The following CATSPERT variants were observed in gnomAD, a reference collection of about 807,000 sequenced individuals.
CATSPERT encodes catsper channel auxiliary subunit tau.
chr2:201,496,733 C>T, the CATSPERT span, among the ~76,000 whole-genome samples: 1 of 152,174 alleles, frequency 6.6e-6, no homozygotes, highest in Non-Finnish European at 1.5e-5. Context: ...TGTGTGGGAA[C>T]AATTACAGGA....
the CATSPERT span, chr2:201,535,836 T>G: frequency 3.4e-6 from 5 of 1,463,576 alleles, no homozygotes; most frequent in African/African-American, 7.1e-5. Flanking sequence ...GCAGACACCT[T>G]GAGCTCAAGG....
chr2:201,544,349 T>C, the CATSPERT span, among the ~76,000 whole-genome samples: 2 of 152,334 alleles, frequency 1.3e-5, no homozygotes, highest in South Asian at 4.1e-4. Flanking sequence ...AGCAGCATGA[T>C]TTATAATCCT....
chr2:201,583,419 TA>T, the CATSPERT span, among the ~76,000 whole-genome samples: 2 of 152,120 alleles, frequency 1.3e-5, no homozygotes, highest in Non-Finnish European at 1.5e-5. Context: ...TAATAAGCTA[TA>T]AACAAAAACC....
chr2:201,585,295 G>A, the CATSPERT span, among the ~76,000 whole-genome samples: 1 of 151,532 alleles, frequency 6.6e-6, no homozygotes, highest in African/African-American at 2.4e-5. Flanking sequence ...ATGACGGTAT[G>A]ATGGGTGCAG....
At chr2:201,534,779 A>AAC in the CATSPERT span, 1 of 828,308 alleles carries the variant, frequency 1.2e-6, no homozygotes, top group Non-Finnish European at 1.4e-6. Flanking sequence ...AAATAAGCAA[A>AAC]AGTGTTAATT....
At chr2:201,570,693 C>T in the CATSPERT span, among the ~76,000 whole-genome samples, 2 of 152,152 alleles carry the variant, frequency 1.3e-5, no homozygotes, top group African/African-American at 4.8e-5. Context: ...CTGCCAACTC[C>T]TCTAGCTCAT....
the CATSPERT span, among the ~76,000 whole-genome samples, chr2:201,565,230 G>A: frequency 2.0e-5 from 3 of 151,780 alleles, no homozygotes; most frequent in Non-Finnish European, 4.4e-5. Context: ...CAGCACTTTC[G>A]GAGGCTGAGA....
At chr2:201,524,084 C>T in the CATSPERT span, among the ~76,000 whole-genome samples, 12,513 of 152,108 alleles carry the variant, frequency 0.082, 706 homozygotes, top group African/African-American at 0.15. Flanking sequence ...ATATTGTCCA[C>T]AAAATATATA....
At chr2:201,544,103 G>A in the CATSPERT span, among the ~76,000 whole-genome samples, 2 of 152,146 alleles carry the variant, frequency 1.3e-5, no homozygotes, top group East Asian at 1.9e-4. Context: ...GTGAGAACAT[G>A]CGGTGTTCGT....
At chr2:201,602,130 T>C in the CATSPERT span, among the ~76,000 whole-genome samples, 4 of 152,268 alleles carry the variant, frequency 2.6e-5, no homozygotes, top group South Asian at 4.1e-4. Context: ...ACAAAATTCC[T>C]TTGCAAGTTT....
the CATSPERT span, among the ~76,000 whole-genome samples, chr2:201,577,807 T>C: frequency 1.3e-5 from 2 of 152,206 alleles, no homozygotes; most frequent in Non-Finnish European, 2.9e-5. Context: ...TCTCCTGCAC[T>C]GCCTGGTTAA....
chr2:201,501,316 AC>A, the CATSPERT span, among the ~76,000 whole-genome samples: 1 of 143,530 alleles, frequency 7.0e-6, no homozygotes, highest in Admixed American at 7.6e-5. Context: ...AATTGCTTGA[AC>A]CCAGGAGGTG....
the CATSPERT span, among the ~76,000 whole-genome samples, chr2:201,503,610 C>G: frequency 6.6e-6 from 1 of 152,138 alleles, no homozygotes; most frequent in African/African-American, 2.4e-5. Context: ...GTTACCCAGG[C>G]TGGTCTTGAA....
the CATSPERT span, chr2:201,545,461 C>T: frequency 1.1e-6 from 1 of 944,242 alleles, no homozygotes; most frequent in Non-Finnish European, 1.6e-6. Flanking sequence ...CTACTTAAAG[C>T]AAATTACTAA....
chr2:201,604,007 A>G, the CATSPERT span, among the ~76,000 whole-genome samples: 1 of 152,148 alleles, frequency 6.6e-6, no homozygotes, highest in Non-Finnish European at 1.5e-5. Flanking sequence ...AATAACTGTA[A>G]ATGAATGTCA....
At chr2:201,489,191 A>C in the CATSPERT span, among the ~76,000 whole-genome samples, 18 of 152,234 alleles carry the variant, frequency 1.2e-4, no homozygotes. Flanking sequence ...AGTTGGTTTA[A>C]CTGAGAGAAA....
the CATSPERT span, among the ~76,000 whole-genome samples, chr2:201,589,968 T>TTTTA: frequency 7.6e-3 from 1,142 of 151,170 alleles, 12 homozygotes; most frequent in East Asian, 0.036. Context: ...ATACTTTTCT[T>TTTTA]TTTATTTATT....
At chr2:201,563,691 T>C in the CATSPERT span, among the ~76,000 whole-genome samples, 11 of 152,274 alleles carry the variant, frequency 7.2e-5, no homozygotes, top group African/African-American at 2.4e-4. Context: ...CTACTCATTA[T>C]ACTCTAAGTT....
chr2:201,512,453 C>T, the CATSPERT span, among the ~76,000 whole-genome samples: 1 of 152,086 alleles, frequency 6.6e-6, no homozygotes, highest in Non-Finnish European at 1.5e-5. Flanking sequence ...GCCCCCATCC[C>T]CTATTAATGT....
Sources: gnomAD v4.1 joint callset for allele counts (sites outside exome capture counted in the v4.1 genomes callset) on GRCh38, gnomAD v4.1.1 for gene constraint, MANE v1.5 for transcripts, NCBI Gene and HGNC (gene_info 2026-07-23, HGNC 2026-07-21) for gene names.